The following CADM4 variants were observed in gnomAD, a reference collection of about 807,000 sequenced individuals.
CADM4 encodes the protein cell adhesion molecule 4, also known as TSLC1-like 2.
Under a neutral mutation model 43.9 loss-of-function variants are expected in CADM4, and 13 were observed. The ratio of observed to expected loss-of-function variants is 0.30; its 90% CI spans 0.19 to 0.47. CADM4 has a LOEUF of 0.47. Among genes scored for constraint, CADM4 ranks in the 20% least tolerant of loss-of-function variants. The probability of loss-of-function intolerance (pLI) is 1.00; values close to 1 mark genes in which losing one functional copy is unlikely to be tolerated. For missense variants in CADM4, 420 were observed against 527.0 expected (o/e 0.80, Z 1.99); for synonymous variants, 209 against 220.9 (o/e 0.95, Z 0.48).
chr19:43,634,275 C>A (rs536565146), intron 1 of CADM4, among the ~76,000 whole-genome samples: 2 of 152,352 alleles, frequency 1.3e-5, no homozygotes, highest in South Asian at 4.1e-4. Context: ...CTGGCATGCA[C>A]ATTCTGGTGC....
chr19:43,632,408 A>G (rs1352408743), intron 1 of CADM4, among the ~76,000 whole-genome samples: 1 of 152,034 alleles, frequency 6.6e-6, no homozygotes, highest in Non-Finnish European at 1.5e-5. Flanking sequence ...CAGTGGCCGG[A>G]TCGATTTTTC....
At chr19:43,628,409 T>G (rs1213974923) in intron 1 of CADM4, among the ~76,000 whole-genome samples, 3 of 148,946 alleles carry the variant, frequency 2.0e-5, no homozygotes, top group Non-Finnish European at 4.4e-5. Context: ...CACTCCAGGC[T>G]GGGCGACAGA....
In CADM4 at chr19:43,623,531, A is replaced by G; in HGVS notation, c.1058-92T>C. 1.2e-6 allele frequency: 1 copy of G among 818,254 alleles called. No homozygotes were observed. The highest frequency in any genetic ancestry group is 1.3e-5 in the South Asian group (1 of 75,206). The allele number at this position is 818,254 out of a possible 1,614,324, so 50.7% of individuals were successfully genotyped here. On this transcript the variant is annotated intron_variant, in intron 8 of 8. Transcript: ENST00000222374. The surrounding 1 kb of genome is among the most constrained non-coding windows in gnomAD (Gnocchi z 4.4). Reference sequence around the variant, plus strand: ...ATAAGGGAAGAGGGAGACAGACAAGACACATGCCAGGCGAAGGAAGAGGGA... The same window carrying G: ...ATAAGGGAAGAGGGAGACAGACAAGGCACATGCCAGGCGAAGGAAGAGGGA...
chr19:43,640,257 T>A (rs1265050952), upstream of CADM4, among the ~76,000 whole-genome samples: 3 of 142,112 alleles, frequency 2.1e-5, no homozygotes, highest in South Asian at 4.7e-4. Context: ...TGGGGTGCGG[T>A]GTGTGCGAAG....
chr19:43,624,016 G>A, intron 8 of CADM4, 98 bp downstream of exon 8: 2 of 1,482,148 alleles, frequency 1.3e-6, no homozygotes, highest in Non-Finnish European at 1.8e-6. Context: ...GGAATCCAGA[G>A]CCTAGGCTCC....
chr19:43,628,953 CA>C (rs1391315272), intron 1 of CADM4, among the ~76,000 whole-genome samples: 1 of 152,212 alleles, frequency 6.6e-6, no homozygotes, highest in Non-Finnish European at 1.5e-5. Flanking sequence ...TGATACAGCC[CA>C]AACTGCTGAA....
rs1973465620 is a variant in CADM4, at chr19:43,623,164, C to T, written c.*166G>A. On this transcript the variant is annotated 3_prime_UTR_variant, in exon 9 of 9. Coordinates refer to ENST00000222374, the MANE Select transcript of CADM4 (RefSeq NM_145296.2). The surrounding 1 kb of genome is among the most constrained non-coding windows in gnomAD (Gnocchi z 4.4). ...CCTCACTTCTGGCCCTTACAGAGAT[C>T]CAGGCATCCAACACCCCCATCCCTG... 1.9e-5 allele frequency: 12 copies of T among 623,986 alleles called. No individual in the cohort carries two copies. In the South Asian group the frequency reaches 2.2e-4, roughly 11 times the overall value. 38.7% of individuals were successfully genotyped at this position (623,986 alleles called of 1,614,324 possible). A position where few individuals can be genotyped will look rare whatever the true frequency, so the allele number is the denominator to read the frequency against.
rs754145498 is a variant in CADM4 at position 43,623,461 on chromosome 19, G to C, written c.1058-22C>G. On this transcript the variant is annotated intron_variant, in intron 8 of 8. Transcript: ENST00000222374. This position sits in a 1 kb window ranked among gnomAD's most constrained non-coding sequence, Gnocchi z 4.4. ...GAACCTGAGGGGGTGACAGACCCCCGGGGCAGGGGGGACATATTTGTGGAT... is the reference window on the plus strand; with the variant it reads ...GAACCTGAGGGGGTGACAGACCCCCCGGGCAGGGGGGACATATTTGTGGAT... 2 of 1,432,690 alleles carry C rather than the reference G, an allele frequency of 1.4e-6. No individual in the cohort carries two copies. Among genetic ancestry groups the C allele is most frequent in the African/African-American group, 1.4e-5 (1 of 71,306 alleles). 88.7% of individuals were successfully genotyped at this position (1,432,690 alleles called of 1,614,324 possible).
intron 1 of CADM4, among the ~76,000 whole-genome samples, chr19:43,628,075 G>A (rs1457777512): frequency 1.3e-5 from 2 of 152,186 alleles, no homozygotes; most frequent in African/African-American, 4.8e-5. Flanking sequence ...ATTGCCTAGA[G>A]AGATGGGTAG....
At position 43,639,816 on chromosome 19, in the gene CADM4, C is replaced by G; in HGVS notation, c.-26G>C. On this transcript the variant is annotated 5_prime_UTR_variant, in exon 1 of 9. Coordinates refer to ENST00000222374, the MANE Select transcript of CADM4 (RefSeq NM_145296.2). ...GGTGCCGCCGCCGCCGCCGCCGCCG[C>G]TCGCTCCCGGCCCGGCACCTGCACC... The G allele has an allele frequency of 2.0e-6, 2 of 998,572 alleles. No homozygotes were observed. The highest frequency in any genetic ancestry group is 2.4e-6 in the Non-Finnish European group (2 of 843,100). The allele number at this position is 998,572 out of a possible 1,614,324, so 61.9% of individuals were successfully genotyped here.
rs1421257202 is a variant in CADM4 at position 43,623,917 on chromosome 19, A to G, written c.1057+197T>C. Among the ~76,000 whole-genome samples, 3 of 152,100 alleles carry G rather than the reference A, an allele frequency of 2.0e-5. No homozygotes were observed. The highest frequency in any genetic ancestry group is 4.4e-5 in the Non-Finnish European group (3 of 68,020). ...CGCCCAACCGCAAATCTATGCTTTTAATTCAGCTTCTAAATTCTACCCCTT... is the reference window on the plus strand; with the variant it reads ...CGCCCAACCGCAAATCTATGCTTTTGATTCAGCTTCTAAATTCTACCCCTT... On this transcript the variant is annotated intron_variant, in intron 8 of 8. Transcript: ENST00000222374. The surrounding 1 kb of genome is among the most constrained non-coding windows in gnomAD (Gnocchi z 4.4).
rs766071297 is a variant in CADM4 at position 43,625,946 on chromosome 19, C to A, written c.720G>T (p.Thr240=). The A allele has an allele frequency of 1.9e-6, 3 of 1,614,156 alleles. No individual in the cohort carries two copies. The highest frequency in any genetic ancestry group is 1.7e-5 in the Admixed American group (1 of 60,032). ...ASQAVVREGD[T]LVLTCAVTGN... ...CCGTGACAGCACACGTCAACACCAG[C>A]GTGTCTCCCTCCCTCACCACAGCTT... The change falls in exon 6 of 9, where the codon ACG becomes ACT. Residue 240 remains threonine (T), a synonymous_variant. Coordinates refer to ENST00000222374, the MANE Select transcript of CADM4 (RefSeq NM_145296.2). The surrounding 1 kb of genome is among the most constrained non-coding windows in gnomAD (Gnocchi z 4.5).
At chr19:43,641,101 T>C (rs939198679), upstream of CADM4, among the ~76,000 whole-genome samples, 2 of 151,926 alleles carry the variant, frequency 1.3e-5, no homozygotes, top group South Asian at 2.1e-4. Flanking sequence ...CCCGAGTAGC[T>C]GAGATTACAG....
Position 43,630,281 on chromosome 19 carries a change from C to CTTTTTTTTTTTTT in CADM4, c.65-2504_65-2492dup, listed in dbSNP as rs59489315. On this transcript the variant is annotated intron_variant, in intron 1 of 8. Coordinates refer to ENST00000222374, the MANE Select transcript of CADM4 (RefSeq NM_145296.2). ...TTTCCCCCATTTCCATTTTTCTTTTCTTTTTTTTTTTTTTTTTTTTTTGAG... is the reference window on the plus strand; with the variant it reads ...TTTCCCCCATTTCCATTTTTCTTTTCTTTTTTTTTTTTTTTTTTTTTTTTTTTTTTTTTTTGAG... Among the ~76,000 whole-genome samples the CTTTTTTTTTTTTT allele has an allele frequency of 1.4e-3, 104 of 73,410 alleles. 4 individuals are homozygous for CTTTTTTTTTTTTT. Among genetic ancestry groups the CTTTTTTTTTTTTT allele is most frequent in the East Asian group, 2.6e-3 (7 of 2,692 alleles). 48.2% of individuals were successfully genotyped at this position (73,410 alleles called of 152,430 possible). A position where few individuals can be genotyped will look rare whatever the true frequency, so the allele number is the denominator to read the frequency against.
chr19:43,635,745 C>G (rs1973693621), intron 1 of CADM4, among the ~76,000 whole-genome samples: 1 of 148,262 alleles, frequency 6.7e-6, no homozygotes, highest in Non-Finnish European at 1.5e-5. Context: ...GTCTAAGACC[C>G]CAGGCCCCTC....
In CADM4 at chr19:43,623,328, G is replaced by A; in HGVS notation, c.*2C>T. 1 of 1,612,228 alleles carries A rather than the reference G, an allele frequency of 6.2e-7. No individual in the cohort carries two copies. The highest frequency in any genetic ancestry group is 1.1e-5 in the South Asian group (1 of 91,062). ...AGGCCTAGGCCTGGGGTGGGGATAG[G>A]GTCAGATGAAGAATTCCTCTTTCCT... On this transcript the variant is annotated 3_prime_UTR_variant, in exon 9 of 9. Coordinates refer to ENST00000222374, the MANE Select transcript of CADM4 (RefSeq NM_145296.2). The surrounding 1 kb of genome is among the most constrained non-coding windows in gnomAD (Gnocchi z 4.4).
At chr19:43,631,175 T>C (rs1973618846) in intron 1 of CADM4, among the ~76,000 whole-genome samples, 2 of 151,944 alleles carry the variant, frequency 1.3e-5, no homozygotes, top group African/African-American at 4.8e-5. Context: ...ACCCCGTCTG[T>C]ACTAAAAATA....
chr19:43,628,442 AAAAG>A (rs1973567098), intron 1 of CADM4, among the ~76,000 whole-genome samples: 1 of 151,774 alleles, frequency 6.6e-6, no homozygotes, highest in Non-Finnish European at 1.5e-5. Context: ...CTCAAAAAAA[AAAAG>A]AAAGAAAAAA....
intron 1 of CADM4, among the ~76,000 whole-genome samples, chr19:43,633,071 C>CAAAA (rs1167707172): frequency 8.2e-4 from 47 of 56,978 alleles, no homozygotes; most frequent in African/African-American, 3.0e-3. Flanking sequence ...GACTCTGTCT[C>CAAAA]AAAAAAAAAA....
Sources: gnomAD v4.1 joint callset for allele counts (sites outside exome capture counted in the v4.1 genomes callset) on GRCh38, gnomAD v4.1.1 for gene constraint, Gnocchi (gnomAD v3.1) non-coding constraint, MANE v1.5 for transcripts, NCBI Gene and HGNC (gene_info 2026-07-23, HGNC 2026-07-21) for gene names.